Variants in EHMT1 observed in about 807,000 individuals in gnomAD.
The protein encoded by EHMT1 is euchromatic histone lysine methyltransferase 1.
EHMT1 carries 15 observed loss-of-function variants against 147.2 expected under a neutral mutation model. The observed-to-expected ratio is 0.10, with a 90% CI of 0.07 to 0.16. The LOEUF (loss-of-function observed/expected upper bound fraction) is 0.16. Ranked by LOEUF, EHMT1 falls within the 10% of genes least tolerant of loss-of-function variation. EHMT1 has a pLI of 1.00. For missense variants in EHMT1, 1,587 were observed against 1,772.4 expected (o/e 0.90, Z 1.88); for synonymous variants, 795 against 709.6 (o/e 1.12, Z -1.91).
intron 15 of EHMT1, chr9:137,788,372 C>A: frequency 3.1e-6 from 1 of 326,060 alleles, no homozygotes; most frequent in South Asian, 9.9e-5. Context: ...CTTCTGCCAG[C>A]GCCTCAGCCG....
intron 18 of EHMT1, chr9:137,802,278 C>T (rs1953556443): frequency 2.5e-6 from 1 of 398,504 alleles, no homozygotes; most frequent in South Asian, 1.3e-4. Flanking sequence ...CTGTGTCCAC[C>T]GTCACAGAGG....
At chr9:137,684,780 C>G (rs1942279477) in intron 1 of EHMT1, among the ~76,000 whole-genome samples, 1 of 152,190 alleles carries the variant, frequency 6.6e-6, no homozygotes, top group Non-Finnish European at 1.5e-5. Flanking sequence ...CATGAGCCAC[C>G]ATACCCAGCG....
intron 18 of EHMT1, among the ~76,000 whole-genome samples, chr9:137,804,986 G>A (rs1953810086): frequency 6.6e-6 from 1 of 152,238 alleles, no homozygotes; most frequent in Admixed American, 6.5e-5. Context: ...TCATCTGCAT[G>A]TGTGTCCACA....
intron 1 of EHMT1, among the ~76,000 whole-genome samples, chr9:137,678,380 C>G (rs1941595097): frequency 6.6e-6 from 1 of 152,126 alleles, no homozygotes; most frequent in Non-Finnish European, 1.5e-5. Flanking sequence ...TTGGTAACCA[C>G]AAGATTTTCG....
intron 7 of EHMT1, among the ~76,000 whole-genome samples, chr9:137,753,851 G>T (rs1029073843): frequency 2.0e-5 from 3 of 152,176 alleles, no homozygotes; most frequent in African/African-American, 7.2e-5. Flanking sequence ...CCCTTTTCCT[G>T]AGCTTACTTA....
intron 25 of EHMT1, chr9:137,834,140 G>A (rs1956425727): frequency 3.1e-6 from 2 of 650,346 alleles, no homozygotes; most frequent in Non-Finnish European, 5.2e-6. Flanking sequence ...CAGCGAGGAC[G>A]GCAGGGTGCG....
At chr9:137,801,026 G>T (rs774286974) in intron 18 of EHMT1, 42 bp downstream of exon 18, 4 of 1,552,388 alleles carry the variant, frequency 2.6e-6, no homozygotes, top group Non-Finnish European at 3.6e-6. Context: ...GTCCTGGAGG[G>T]GTGGGGACCT....
At chr9:137,754,091 A>C in intron 7 of EHMT1, 80 bp from the exon 8 acceptor site, 1 of 1,607,792 alleles carries the variant, frequency 6.2e-7, no homozygotes, top group Non-Finnish European at 8.5e-7. Flanking sequence ...TCTGTTTTGC[A>C]AGAAAACACT....
chr9:137,709,397 G>A (rs1305070249), intron 1 of EHMT1, among the ~76,000 whole-genome samples: 1 of 152,156 alleles, frequency 6.6e-6, no homozygotes, highest in Non-Finnish European at 1.5e-5. Flanking sequence ...GGAAACCTGG[G>A]CCCCCCTGCC....
chr9:137,796,614 G>T (rs1180120328), intron 16 of EHMT1, among the ~76,000 whole-genome samples: 2 of 146,282 alleles, frequency 1.4e-5, no homozygotes, highest in Non-Finnish European at 3.0e-5. Flanking sequence ...TGAGGTAGGA[G>T]AATGACGTGA....
At chr9:137,685,625 TC>T (rs1446760446) in intron 1 of EHMT1, among the ~76,000 whole-genome samples, 2 of 152,200 alleles carry the variant, frequency 1.3e-5, no homozygotes, top group Non-Finnish European at 2.9e-5. Flanking sequence ...GTGTTTAACT[TC>T]CCGAGGTCAA....
intron 10 of EHMT1, among the ~76,000 whole-genome samples, chr9:137,768,367 T>TTTC: frequency 6.8e-6 from 1 of 147,678 alleles, no homozygotes; most frequent in Middle Eastern, 3.4e-3. Flanking sequence ...TTTTTTTTTT[T>TTTC]TCTGAGACAG....
rs1434345816 is a variant in EHMT1 at position 137,800,544 on chromosome 9, TGC to T, written c.2608-335_2608-334del. 2.3e-5 allele frequency: 8 copies of T among 350,336 alleles called. No individual in the cohort carries two copies. The Admixed American group carries it at 2.9e-4, about 13-fold the overall frequency. 21.7% of individuals were successfully genotyped at this position (350,336 alleles called of 1,614,324 possible). ...TACGAAGTTTCAGCTCCCGTGTGTG[TGC>T]CATTAGACTCGTTGCACGCAGCTGT... On this transcript the variant is annotated intron_variant, in intron 17 of 26. Coordinates refer to ENST00000460843, the MANE Select transcript of EHMT1 (RefSeq NM_024757.5).
At position 137,790,845 on chromosome 9, in the gene EHMT1, T is replaced by C; in HGVS notation, c.2383-3T>C. 1 of 1,614,196 alleles carries C rather than the reference T, an allele frequency of 6.2e-7. No homozygotes were observed. Among genetic ancestry groups the C allele is most frequent in the Non-Finnish European group, 8.5e-7 (1 of 1,180,028 alleles). On this transcript the variant is annotated splice_polypyrimidine_tract_variant and splice_region_variant and intron_variant, in intron 15 of 26. Transcript: ENST00000460843. ...CCATACACCTGAACTGTTGTTTCAC[T>C]AGGCGGGCGCTAATATTGACACCTG...
At chr9:137,682,749 G>A (rs939958644) in intron 1 of EHMT1, among the ~76,000 whole-genome samples, 4 of 152,194 alleles carry the variant, frequency 2.6e-5, no homozygotes, top group African/African-American at 9.6e-5. Context: ...TGAGGATGAC[G>A]GCTGCTCTGT....
At chr9:137,635,621 C>T (rs1291729913) in intron 1 of EHMT1, among the ~76,000 whole-genome samples, 6 of 151,370 alleles carry the variant, frequency 4.0e-5, no homozygotes, top group African/African-American at 7.3e-5. Flanking sequence ...GAGATCGAGA[C>T]CATCCTGGCT....
chr9:137,663,444 A>C (rs528212068), intron 1 of EHMT1, among the ~76,000 whole-genome samples: 333 of 152,294 alleles, frequency 2.2e-3, no homozygotes, highest in Non-Finnish European at 4.0e-3. Flanking sequence ...TGTGTGCTGG[A>C]GTGGACTGCT....
chr9:137,784,052 A>G (rs1177896519), intron 15 of EHMT1: 3 of 858,210 alleles, frequency 3.5e-6, no homozygotes, highest in Admixed American at 2.1e-5. Context: ...TCTAGCTATA[A>G]GAGAATACTT....
chr9:137,687,766 C>T (rs140682949), intron 1 of EHMT1, among the ~76,000 whole-genome samples: 11 of 152,306 alleles, frequency 7.2e-5, no homozygotes, highest in Admixed American at 1.3e-4. Flanking sequence ...CTTGGATTTC[C>T]GAGCCTCCAG....
Sources: allele counts gnomAD v4.1 joint callset (sites outside exome capture counted in the v4.1 genomes callset), GRCh38; gene constraint gnomAD v4.1.1; transcripts MANE v1.5; gene names NCBI Gene and HGNC (gene_info 2026-07-23, HGNC 2026-07-21).